Variants in ENKUR observed in about 807,000 individuals in gnomAD.
The protein encoded by ENKUR is enkurin, TRPC channel interacting protein, also known as enkurin.
In ENKUR, 19 loss-of-function variants were observed where a neutral mutation model predicts 27.6. The observed-to-expected ratio is 0.69, with a 90% CI of 0.48 to 1.01. ENKUR has a LOEUF of 1.01. Ranked by LOEUF, ENKUR falls within the 50% of genes least tolerant of loss-of-function variation. The pLI is 0.00. For missense variants in ENKUR, 312 were observed against 310.5 expected, an observed-to-expected ratio of 1.00 and a Z score of -0.04; for synonymous variants, 117 against 96.9, an observed-to-expected ratio of 1.21 and a Z score of -1.22.
intron 2 of ENKUR, among the ~76,000 whole-genome samples, chr10:25,048,127 T>G (rs906107244): frequency 6.6e-6 from 1 of 152,024 alleles, no homozygotes; most frequent in Admixed American, 6.6e-5. Context: ...GGGAAAAATT[T>G]GGAAAATCCC....
At chr10:24,998,083 A>C (rs1338288562) in intron 2 of ENKUR, among the ~76,000 whole-genome samples, 1 of 152,130 alleles carries the variant, frequency 6.6e-6, no homozygotes, top group Non-Finnish European at 1.5e-5. Flanking sequence ...ATCTTGCCTG[A>C]TAGTGCCCTC....
chr10:25,026,179 A>G (rs1033477979), intron 2 of ENKUR: 1 of 165,834 alleles, frequency 6.0e-6, no homozygotes, highest in African/African-American at 2.4e-5. Context: ...GCACCTGGCT[A>G]GGGCCAGTGT....
intron 2 of ENKUR, among the ~76,000 whole-genome samples, chr10:25,052,499 G>T (rs554315234): frequency 5.9e-5 from 9 of 152,284 alleles, no homozygotes; most frequent in Admixed American, 5.9e-4. Flanking sequence ...TACTAGAGGC[G>T]GGGCTCAGTG....
intron 2 of ENKUR, among the ~76,000 whole-genome samples, chr10:25,022,899 G>A (rs1850753236): frequency 6.6e-6 from 1 of 152,114 alleles, no homozygotes; most frequent in South Asian, 2.1e-4. Flanking sequence ...GGCACTTTGT[G>A]AATACAAGTT....
chr10:25,047,036 A>T (rs1851128610), intron 2 of ENKUR, among the ~76,000 whole-genome samples: 1 of 152,192 alleles, frequency 6.6e-6, no homozygotes. Context: ...ACCGAATAAA[A>T]TTAGTGTTTG....
At chr10:25,018,737 G>A (rs2132742660), upstream of ENKUR, among the ~76,000 whole-genome samples, 2 of 137,820 alleles carry the variant, frequency 1.5e-5, no homozygotes, top group African/African-American at 5.2e-5. Context: ...GAGTATATAA[G>A]ACAATTGGAA....
chr10:25,016,168 G>T (rs1850567164), upstream of ENKUR: 9 of 1,191,870 alleles, frequency 7.6e-6, no homozygotes, highest in African/African-American at 1.6e-5. Context: ...TGCGGTTGCC[G>T]TGGAAACCGT....
intron 2 of ENKUR, among the ~76,000 whole-genome samples, chr10:25,059,969 C>T (rs189258981): frequency 5.0e-4 from 76 of 152,220 alleles, no homozygotes; most frequent in African/African-American, 1.3e-3. Context: ...GCCTTGTGTG[C>T]GTTCTGTGGG....
chr10:25,061,067 G>T, intron 2 of ENKUR: 1 of 1,526,802 alleles, frequency 6.5e-7, no homozygotes, highest in Non-Finnish European at 8.8e-7. Flanking sequence ...TATTAGGCTG[G>T]CTGCCCAGAT....
At chr10:25,002,943 C>T (rs941616906) in intron 1 of ENKUR, among the ~76,000 whole-genome samples, 14 of 151,902 alleles carry the variant, frequency 9.2e-5, no homozygotes, top group African/African-American at 3.1e-4. Context: ...GGTGTCTTTA[C>T]TTCCACCTCT....
chr10:25,023,383 G>A, intron 2 of ENKUR: 1 of 1,614,086 alleles, frequency 6.2e-7, no homozygotes, highest in African/African-American at 1.3e-5. Flanking sequence ...CTCTCTTGTT[G>A]GAGACAAAAA....
intron 2 of ENKUR, chr10:25,024,144 T>C (rs375351325): frequency 6.2e-6 from 10 of 1,614,090 alleles, no homozygotes; most frequent in African/African-American, 1.3e-5. Flanking sequence ...ACATACCTGC[T>C]GCCAGGTTGG....
At chr10:25,058,708 A>T (rs970017095) in intron 2 of ENKUR, among the ~76,000 whole-genome samples, 3 of 151,842 alleles carry the variant, frequency 2.0e-5, no homozygotes, top group African/African-American at 7.3e-5. Context: ...AGGCGAGCTG[A>T]TCACCTGAGG....
intron 1 of ENKUR, among the ~76,000 whole-genome samples, chr10:25,012,722 A>G (rs1200520968): frequency 6.6e-6 from 1 of 152,116 alleles, no homozygotes. Flanking sequence ...TTTTGATTTT[A>G]TATGCTTGTA....
rs1453331470 is a variant in ENKUR at position 25,036,552 on chromosome 10, A to G, written c.37+24560T>C. Among the ~76,000 whole-genome samples the G allele has an allele frequency of 3.9e-5, 6 of 152,324 alleles. No homozygotes were observed. In the East Asian group the frequency reaches 1.2e-3, roughly 29 times the overall value. ...ACAGTTTTGCACAGACTACTGCACCACAAGCACGGTGCAGTGAAGGATGAG... is the reference window on the plus strand; with the variant it reads ...ACAGTTTTGCACAGACTACTGCACCGCAAGCACGGTGCAGTGAAGGATGAG... On this transcript the variant is annotated intron_variant, in intron 2 of 5. Coordinates refer to the ENKUR transcript ENST00000615958.
At chr10:25,033,624 G>A (rs1021575086) in intron 2 of ENKUR, among the ~76,000 whole-genome samples, 3 of 152,106 alleles carry the variant, frequency 2.0e-5, no homozygotes, top group Non-Finnish European at 4.4e-5. Context: ...TATTGGAATA[G>A]GTGAATATAA....
intron 2 of ENKUR, among the ~76,000 whole-genome samples, chr10:25,031,984 A>G (rs947818612): frequency 1.3e-5 from 2 of 152,040 alleles, no homozygotes; most frequent in African/African-American, 4.8e-5. Context: ...AAGGAATTTA[A>G]TTATAGTTAG....
At chr10:25,012,949 A>G (rs574187411) in intron 1 of ENKUR, among the ~76,000 whole-genome samples, 1 of 152,176 alleles carries the variant, frequency 6.6e-6, no homozygotes, top group East Asian at 1.9e-4. Flanking sequence ...CATAATTCCC[A>G]TATGTCATGG....
intron 2 of ENKUR, chr10:25,025,561 A>G (rs1850833960): frequency 2.7e-6 from 3 of 1,116,748 alleles, no homozygotes; most frequent in South Asian, 1.7e-5. Context: ...AAATATCTCT[A>G]TATCTGTTTG....
Sources: allele counts gnomAD v4.1 joint callset (sites outside exome capture counted in the v4.1 genomes callset), GRCh38; gene constraint gnomAD v4.1.1; transcripts MANE v1.5; gene names NCBI Gene and HGNC (gene_info 2026-07-23, HGNC 2026-07-21).